Variants in XPO4 observed in about 807,000 individuals in gnomAD.
XPO4 encodes exportin 4, also known as exportin-4.
In XPO4, 39 loss-of-function variants were observed where a neutral mutation model predicts 143.0. That is an observed-to-expected ratio of 0.27 (90% CI 0.21 to 0.36). XPO4 has a LOEUF of 0.36. XPO4 is among the 10% of genes least tolerant of loss of function. The probability of loss-of-function intolerance (pLI) is 1.00; values close to 1 mark genes in which losing one functional copy is unlikely to be tolerated. For missense variants in XPO4, 907 were observed against 1,348.0 expected, an observed-to-expected ratio of 0.67 and a Z score of 5.12; for synonymous variants, 439 against 474.0, an observed-to-expected ratio of 0.93 and a Z score of 0.96.
chr13:20,861,297 CT>C (rs68037393), intron 3 of XPO4, among the ~76,000 whole-genome samples: 29 of 134,938 alleles, frequency 2.1e-4, no homozygotes, highest in Admixed American at 3.9e-4. Flanking sequence ...TAGTTTTCCT[CT>C]TTTTTTTTTT....
chr13:20,834,725 A>T (rs2059895860), intron 6 of XPO4, among the ~76,000 whole-genome samples: 1 of 152,052 alleles, frequency 6.6e-6, no homozygotes, highest in African/African-American at 2.4e-5. Flanking sequence ...TTTGGATGCC[A>T]AAGCGGGAGG....
chr13:20,895,287 A>G (rs1379801731), intron 1 of XPO4, among the ~76,000 whole-genome samples: 1 of 152,216 alleles, frequency 6.6e-6, no homozygotes, highest in East Asian at 1.9e-4. Flanking sequence ...TTAAAACTAT[A>G]TTAAGCACTC....
chr13:20,855,950 G>A (rs951657904), intron 3 of XPO4, among the ~76,000 whole-genome samples, 185 bp from the exon 4 acceptor site: 2 of 152,170 alleles, frequency 1.3e-5, no homozygotes, highest in African/African-American at 2.4e-5. Flanking sequence ...CATTGTGGAC[G>A]GGCTGTATGA....
intron 9 of XPO4, among the ~76,000 whole-genome samples, chr13:20,816,127 A>G (rs2059647451): frequency 6.6e-6 from 1 of 152,240 alleles, no homozygotes; most frequent in Admixed American, 6.5e-5. Context: ...TAACTTTAAA[A>G]TTTACAGGCA....
At chr13:20,851,757 A>T (rs1256886933) in intron 4 of XPO4, 1 of 979,164 alleles carries the variant, frequency 1.0e-6, no homozygotes, top group East Asian at 1.1e-4. Context: ...GAAAGACAGA[A>T]ATTTGACTTT....
At chr13:20,858,912 A>G (rs945935368) in intron 3 of XPO4, among the ~76,000 whole-genome samples, 4 of 18,840 alleles carry the variant, frequency 2.1e-4, no homozygotes, top group Non-Finnish European at 3.1e-4. Flanking sequence ...ATATATATAT[A>G]TGTGTGTGTG....
At chr13:20,849,385 A>G in intron 4 of XPO4, 1 of 985,236 alleles carries the variant, frequency 1.0e-6, no homozygotes, top group Non-Finnish European at 1.2e-6. Context: ...GCTAAATTAA[A>G]CAGCTTTAAA....
chr13:20,788,385 C>T, intron 20 of XPO4, 101 bp downstream of exon 20: 15 of 1,477,448 alleles, frequency 1.0e-5, no homozygotes, highest in Non-Finnish European at 1.4e-5. Context: ...AAAATTGAAC[C>T]ATAAAAGAAA....
chr13:20,836,803 T>C (rs1436558492), intron 6 of XPO4, among the ~76,000 whole-genome samples: 1 of 152,226 alleles, frequency 6.6e-6, no homozygotes, highest in East Asian at 1.9e-4. Context: ...AAAGACCCCA[T>C]ATGCTTTAGC....
At chr13:20,811,756 G>T (rs978078426) in intron 9 of XPO4, among the ~76,000 whole-genome samples, 1 of 152,078 alleles carries the variant, frequency 6.6e-6, no homozygotes, top group Non-Finnish European at 1.5e-5. Flanking sequence ...CAGTGGTGGG[G>T]GTGCACCTGG....
chr13:20,895,734 T>G (rs987672998), intron 1 of XPO4, among the ~76,000 whole-genome samples: 2 of 152,184 alleles, frequency 1.3e-5, no homozygotes, highest in African/African-American at 4.8e-5. Flanking sequence ...GGATCATATA[T>G]TCTATTCTGC....
At chr13:20,804,890 A>C (rs2059483901) in intron 13 of XPO4, among the ~76,000 whole-genome samples, 1 of 151,846 alleles carries the variant, frequency 6.6e-6, no homozygotes, top group African/African-American at 2.4e-5. Flanking sequence ...GGATTACTAC[A>C]ATTTGTCTCC....
chr13:20,819,623 G>A (rs938680850), intron 9 of XPO4, among the ~76,000 whole-genome samples: 5 of 151,948 alleles, frequency 3.3e-5, no homozygotes, highest in African/African-American at 7.2e-5. Context: ...CCGTGCCATC[G>A]CAGTCCAGCC....
At chr13:20,891,172 A>T (rs2060512820) in intron 1 of XPO4, among the ~76,000 whole-genome samples, 1 of 149,400 alleles carries the variant, frequency 6.7e-6, no homozygotes, top group African/African-American at 2.5e-5. Flanking sequence ...CACACTCTAG[A>T]CTTGTGGTGT....
chr13:20,866,513 G>A (rs1215691794), intron 2 of XPO4: 1 of 457,302 alleles, frequency 2.2e-6, no homozygotes, highest in East Asian at 1.5e-4. Context: ...TGTATGAGAA[G>A]TCTTCTTAGA....
chr13:20,827,141 T>C lies in XPO4; in HGVS notation c.766A>G (p.Asn256Asp). 6.2e-7 allele frequency: 1 copy of C among 1,614,000 alleles called. No homozygotes were observed. The highest frequency in any genetic ancestry group is 8.5e-7 in the Non-Finnish European group (1 of 1,179,890). ...GACTCTGTTGGCTTCAACAGCACATTTTGCGAGGATTCAAACATAGCTATA... is the reference window on the plus strand; with the variant it reads ...GACTCTGTTGGCTTCAACAGCACATCTTGCGAGGATTCAAACATAGCTATA... ...HYIAMFESSQNVLLKPTESWR... is the reference protein window; with the variant it reads ...HYIAMFESSQDVLLKPTESWR... The change falls in exon 7 of 23, where the codon AAT becomes GAT. Residue 256 changes from asparagine (N) to aspartate (D), a missense_variant. Coordinates refer to ENST00000255305, the MANE Select transcript of XPO4 (RefSeq NM_022459.5).
At chr13:20,800,499 CTCACATTT>C (rs1296625848) in intron 14 of XPO4, among the ~76,000 whole-genome samples, 174 bp from the exon 15 acceptor site, 1 of 152,154 alleles carries the variant, frequency 6.6e-6, no homozygotes, top group Non-Finnish European at 1.5e-5. Context: ...CCTCAATCCA[CTCACATTT>C]TCCAGTGTGA....
At chr13:20,820,086 C>G (rs1369621534) in intron 9 of XPO4, among the ~76,000 whole-genome samples, 1 of 151,858 alleles carries the variant, frequency 6.6e-6, no homozygotes, top group Non-Finnish European at 1.5e-5. Context: ...ATAAACAGCT[C>G]AATTAAAAAT....
chr13:20,850,100 T>C, intron 4 of XPO4: 2 of 983,910 alleles, frequency 2.0e-6, no homozygotes, highest in Non-Finnish European at 2.4e-6. Flanking sequence ...AGCAAGACTC[T>C]GTCTCAACAA....
Sources: gnomAD v4.1 joint callset for allele counts (sites outside exome capture counted in the v4.1 genomes callset) on GRCh38, gnomAD v4.1.1 for gene constraint, MANE v1.5 for transcripts, NCBI Gene and HGNC (gene_info 2026-07-23, HGNC 2026-07-21) for gene names.